Variants in F13A1 observed in about 807,000 individuals in gnomAD.
The protein encoded by F13A1 is coagulation factor XIII A chain.
Under a neutral mutation model 80.1 loss-of-function variants are expected in F13A1, and 47 were observed. The observed-to-expected ratio is 0.59, with a 90% CI of 0.46 to 0.75. F13A1 has a LOEUF of 0.75. F13A1 is among the 30% of genes least tolerant of loss of function. F13A1 has a pLI of 0.00. For missense variants in F13A1, 817 were observed against 930.4 expected (o/e 0.88, Z 1.59); for synonymous variants, 349 against 344.9 (o/e 1.01, Z -0.13).
At chr6:6,151,281 A>G (rs185849622) in intron 14 of F13A1, among the ~76,000 whole-genome samples, 10 of 152,236 alleles carry the variant, frequency 6.6e-5, no homozygotes, top group Admixed American at 5.2e-4. Context: ...CAACTAAAAA[A>G]AAACCTGAAT....
intron 4 of F13A1, among the ~76,000 whole-genome samples, chr6:6,252,142 TA>T (rs567236707): frequency 6.6e-6 from 1 of 152,084 alleles, no homozygotes; most frequent in African/African-American, 2.4e-5. Context: ...AAGTTCTACA[TA>T]AAAAATGACT....
At chr6:6,180,486 T>A (rs957846061) in intron 11 of F13A1, among the ~76,000 whole-genome samples, 1 of 152,258 alleles carries the variant, frequency 6.6e-6, no homozygotes, top group African/African-American at 2.4e-5. Flanking sequence ...TATGTATGAA[T>A]GAGTGGATGT....
chr6:6,163,828 G>A (rs572802310), intron 13 of F13A1, among the ~76,000 whole-genome samples: 6 of 152,234 alleles, frequency 3.9e-5, no homozygotes, highest in South Asian at 4.1e-4. Flanking sequence ...GGGTATCTAC[G>A]CAGTAATGGG....
At chr6:6,252,187 C>T (rs1003740881) in intron 4 of F13A1, among the ~76,000 whole-genome samples, 1 of 152,118 alleles carries the variant, frequency 6.6e-6, no homozygotes, top group African/African-American at 2.4e-5. Flanking sequence ...CATGAAGAAA[C>T]AGATGAAGAG....
rs560555614 is a variant in F13A1, at chr6:6,217,590, A to C, written c.1112+4443T>G. ...TATACCTAATGCTGGATGACGAGTT[A>C]GTGGGTGCAGCGCACCAGCATGGCA... is the stretch of plus-strand genomic sequence containing the variant. On this transcript the variant is annotated intron_variant, in intron 8 of 14. Coordinates refer to ENST00000264870, the MANE Select transcript of F13A1 (RefSeq NM_000129.4). 1.1e-3 allele frequency among the ~76,000 whole-genome samples: 161 copies of C among 152,000 alleles called. 2 individuals are homozygous for C. The highest frequency in any genetic ancestry group is 3.6e-3 in the African/African-American group (149 of 41,484).
At chr6:6,268,010 T>C (rs756554337) in intron 3 of F13A1, among the ~76,000 whole-genome samples, 3 of 152,244 alleles carry the variant, frequency 2.0e-5, no homozygotes, top group Non-Finnish European at 4.4e-5. Flanking sequence ...AAGACTCATA[T>C]TGAATTTCAC....
intron 6 of F13A1, among the ~76,000 whole-genome samples, chr6:6,241,903 G>T (rs1446153265): frequency 2.0e-5 from 3 of 152,108 alleles, no homozygotes; most frequent in East Asian, 3.9e-4. Context: ...GCATGAAGAG[G>T]TTTGCTCAAC....
At chr6:6,234,546 G>C (rs536471431) in intron 6 of F13A1, among the ~76,000 whole-genome samples, 12 of 151,976 alleles carry the variant, frequency 7.9e-5, no homozygotes, top group African/African-American at 2.9e-4. Context: ...AGTTACAGAT[G>C]AATTTTAAGA....
chr6:6,149,239 T>C (rs1341335590), intron 14 of F13A1, among the ~76,000 whole-genome samples: 3 of 152,190 alleles, frequency 2.0e-5, no homozygotes, highest in African/African-American at 7.2e-5. Context: ...AAAGAAATGA[T>C]AAATGCATGG....
At chr6:6,185,258 C>T (rs1258181165) in intron 10 of F13A1, among the ~76,000 whole-genome samples, 1 of 149,988 alleles carries the variant, frequency 6.7e-6, no homozygotes. Context: ...TTAGGTATAT[C>T]TCCCTATGCT....
intron 3 of F13A1, among the ~76,000 whole-genome samples, chr6:6,293,704 AAAGAAAG>A (rs143512882): frequency 0.047 from 6,996 of 150,310 alleles, 205 homozygotes; most frequent in Middle Eastern, 0.11. Flanking sequence ...AAATATTTAG[AAAGAAAG>A]AAGGAAGAAG....
chr6:6,251,374 G>T (rs1052705282), intron 4 of F13A1, among the ~76,000 whole-genome samples: 1 of 147,300 alleles, frequency 6.8e-6, no homozygotes, highest in Non-Finnish European at 1.5e-5. Flanking sequence ...ACGTGAGAAG[G>T]CCCACGTGTC....
chr6:6,182,610 C>T (rs1420371073), intron 10 of F13A1, among the ~76,000 whole-genome samples: 1 of 152,134 alleles, frequency 6.6e-6, no homozygotes, highest in African/African-American at 2.4e-5. Flanking sequence ...TTTGTCCTTC[C>T]CCTTCTGCTT....
intron 8 of F13A1, among the ~76,000 whole-genome samples, chr6:6,212,379 C>A (rs1761633818): frequency 6.6e-6 from 1 of 152,120 alleles, no homozygotes; most frequent in South Asian, 2.1e-4. Context: ...CCCCTGACCC[C>A]CAAGCAGCCT....
chr6:6,185,603 T>G (rs1187317940), intron 10 of F13A1, among the ~76,000 whole-genome samples: 1 of 151,914 alleles, frequency 6.6e-6, no homozygotes, highest in Non-Finnish European at 1.5e-5. Flanking sequence ...TGCCACATTT[T>G]CTTAATCCAG....
chr6:6,195,966 GTGACTC>G, intron 9 of F13A1, 81 bp from the exon 10 acceptor site: 1 of 1,278,222 alleles, frequency 7.8e-7, no homozygotes, highest in South Asian at 1.2e-5. Context: ...GGCACTGAGG[GTGACTC>G]TGTAAAGACC....
rs201420163 is a variant in F13A1 at position 6,177,713 on chromosome 6, G to GA, written c.1460-2847dup. On this transcript the variant is annotated intron_variant, in intron 11 of 14. Transcript: ENST00000264870. Reference sequence around the variant, plus strand: ...CGTGCTAGGCACTAGGCACAGAGGAGAAACAGTCTTTCCCTCACTGGTGCA... The same window carrying GA: ...CGTGCTAGGCACTAGGCACAGAGGAGAAAACAGTCTTTCCCTCACTGGTGCA... 8.2e-3 allele frequency among the ~76,000 whole-genome samples: 1,256 copies of GA among 152,350 alleles called. 21 individuals carry two copies. Among genetic ancestry groups the GA allele is most frequent in the African/African-American group, 0.029 (1,207 of 41,570 alleles).
intron 4 of F13A1, among the ~76,000 whole-genome samples, chr6:6,263,698 C>G (rs1757807674): frequency 6.6e-6 from 1 of 152,174 alleles, no homozygotes. Flanking sequence ...CTTAGCTTCA[C>G]CCCCAGTGCT....
chr6:6,146,474 C>T (rs1400246045), intron 14 of F13A1, among the ~76,000 whole-genome samples: 1 of 152,178 alleles, frequency 6.6e-6, no homozygotes, highest in Admixed American at 6.5e-5. Context: ...CCAGCCTTTG[C>T]CCTGAAGTCT....
Sources: gnomAD v4.1 joint callset for allele counts (sites outside exome capture counted in the v4.1 genomes callset) on GRCh38, gnomAD v4.1.1 for gene constraint, MANE v1.5 for transcripts, NCBI Gene and HGNC (gene_info 2026-07-23, HGNC 2026-07-21) for gene names.